The following SNX29 variants were observed in gnomAD, a reference collection of about 807,000 sequenced individuals.
SNX29 encodes sorting nexin-29.
SNX29 carries 78 observed loss-of-function variants against 102.1 expected under a neutral mutation model. The observed-to-expected ratio is 0.76, with a 90% CI of 0.64 to 0.92. The LOEUF is 0.92. Ranked by LOEUF, SNX29 falls within the 40% of genes least tolerant of loss-of-function variation. The pLI, the probability that SNX29 is intolerant of heterozygous loss-of-function variation, is 0.00. For synonymous variants in SNX29, 580 were observed against 414.5 expected (o/e 1.40, Z -4.85); for missense variants, 1,280 against 1,061.7 (o/e 1.21, Z -2.86).
chr16:12,395,834 G>A (rs1255362077), intron 16 of SNX29, among the ~76,000 whole-genome samples: 1 of 152,198 alleles, frequency 6.6e-6, no homozygotes, highest in Non-Finnish European at 1.5e-5. Context: ...AAGGGCTGCT[G>A]TCAAGTCTAG....
rs533338726 is a variant in SNX29, at chr16:12,417,957, G to A, written c.2037+14428G>A. Among the ~76,000 whole-genome samples the A allele has an allele frequency of 5.3e-5, 8 of 152,198 alleles. No individual in the cohort carries two copies. The South Asian group carries it at 1.5e-3, about 28-fold the overall frequency. On this transcript the variant is annotated intron_variant, in intron 18 of 20. Coordinates refer to ENST00000566228, the MANE Select transcript of SNX29 (RefSeq NM_032167.5). ...TACTCCGCACTGTCTGTCTTTGGCC[G>A]CAGCATTGAGTCTCTGAGCTCCTGG...
chr16:12,013,503 ATAT>A lies in SNX29; in HGVS notation c.122+10461_122+10463del, dbSNP rs1567525925. 6.8e-3 allele frequency among the ~76,000 whole-genome samples: 384 copies of A among 56,556 alleles called. 26 individuals carry two copies. The highest frequency in any genetic ancestry group is 0.04 in the East Asian group (62 of 1,548). The allele number at this position is 56,556 out of a possible 152,430, so 37.1% of individuals were successfully genotyped here. On this transcript the variant is annotated intron_variant, in intron 3 of 20. Transcript: ENST00000566228. ...TCTACTGGGGGAAAAAAAAAAAAAT[ATAT>A]ATATATATATATATATATATATATA...
At chr16:12,179,538 T>G (rs1214178912) in intron 13 of SNX29, among the ~76,000 whole-genome samples, 1 of 152,360 alleles carries the variant, frequency 6.6e-6, no homozygotes, top group East Asian at 1.9e-4. Flanking sequence ...TAAGAAAATA[T>G]TCATTTTAAA....
chr16:11,981,271 A>G (rs990376939), intron 1 of SNX29, among the ~76,000 whole-genome samples: 1 of 151,064 alleles, frequency 6.6e-6, no homozygotes, highest in Admixed American at 6.6e-5. Context: ...CACCTGGCCA[A>G]TTTTTGTATT....
intron 13 of SNX29, among the ~76,000 whole-genome samples, chr16:12,147,291 T>G (rs1205690411): frequency 6.6e-6 from 1 of 152,178 alleles, no homozygotes; most frequent in Non-Finnish European, 1.5e-5. Context: ...GTCTGAAATG[T>G]TGCTCCAGCC....
intron 15 of SNX29, among the ~76,000 whole-genome samples, chr16:12,292,229 A>G (rs1286958448): frequency 6.6e-6 from 1 of 152,198 alleles, no homozygotes; most frequent in Non-Finnish European, 1.5e-5. Flanking sequence ...TCAGGTGGCA[A>G]CTGACTGATA....
chr16:12,054,315 G>A (rs1243758540), intron 8 of SNX29, among the ~76,000 whole-genome samples: 4 of 152,214 alleles, frequency 2.6e-5, no homozygotes, highest in African/African-American at 9.6e-5. Context: ...ATATTGATTT[G>A]TTGATGTAAT....
At chr16:12,370,447 C>T (rs899132415) in intron 16 of SNX29, among the ~76,000 whole-genome samples, 1 of 152,166 alleles carries the variant, frequency 6.6e-6, no homozygotes, top group African/African-American at 2.4e-5. Context: ...GTAATCCCAG[C>T]TACTTGGGAG....
intron 11 of SNX29, among the ~76,000 whole-genome samples, chr16:12,086,484 T>C (rs2151379930): frequency 6.6e-6 from 1 of 151,564 alleles, no homozygotes; most frequent in South Asian, 2.1e-4. Context: ...ATTCCTGGCT[T>C]ACTGCAGCCT....
Position 12,182,102 on chromosome 16 carries a change from G to T in SNX29, c.1596-17499G>T, listed in dbSNP as rs554256967. ...GGTTTTTGCCATGTTGACCAGACTG[G>T]TCTTGAACTCCTGACCTCAGGTGAC... On this transcript the variant is annotated intron_variant, in intron 13 of 20. Coordinates refer to ENST00000566228, the MANE Select transcript of SNX29 (RefSeq NM_032167.5). 7.9e-5 allele frequency among the ~76,000 whole-genome samples: 12 copies of T among 151,398 alleles called. No individual in the cohort carries two copies. The South Asian group carries it at 2.5e-3, about 32-fold the overall frequency.
chr16:12,567,896 A>C (rs2079078644), intron 20 of SNX29, among the ~76,000 whole-genome samples: 1 of 152,010 alleles, frequency 6.6e-6, no homozygotes, highest in South Asian at 2.1e-4. Context: ...CACAACCCAG[A>C]CCCATGCCCT....
At chr16:12,095,632 C>T (rs968543783) in intron 11 of SNX29, among the ~76,000 whole-genome samples, 10 of 152,160 alleles carry the variant, frequency 6.6e-5, no homozygotes, top group African/African-American at 2.4e-4. Context: ...AAACATTTCC[C>T]CTGTGTCATT....
Position 12,356,289 on chromosome 16 carries a change from T to A in SNX29, c.1899+10T>A. The A allele has an allele frequency of 2.5e-6, 4 of 1,585,534 alleles. No homozygotes were observed. The highest frequency in any genetic ancestry group is 3.4e-6 in the Non-Finnish European group (4 of 1,166,332). On this transcript the variant is annotated intron_variant, in intron 16 of 20. Coordinates refer to ENST00000566228, the MANE Select transcript of SNX29 (RefSeq NM_032167.5). Reference sequence around the variant, plus strand: ...CGATCTCCGGGGACCGGTGAGTGTTTCCCCAACCCTGTGTGTCTGTCAAGC... The same window carrying A: ...CGATCTCCGGGGACCGGTGAGTGTTACCCCAACCCTGTGTGTCTGTCAAGC...
In SNX29 at chr16:12,129,649, G is replaced by A. The variant is rs947045143; in HGVS notation, c.1486G>A (p.Asp496Asn). 30 of 1,610,838 alleles carry A rather than the reference G, an allele frequency of 1.9e-5. No individual in the cohort carries two copies. The highest frequency in any genetic ancestry group is 2.5e-5 in the Non-Finnish European group (29 of 1,179,388). The change falls in exon 13 of 21, where the codon GAC becomes AAC. Residue 496 changes from aspartate (D) to asparagine (N), a missense_variant. Transcript: ENST00000566228. ...EENRSLRNLLDGEMEHSAALR... is the reference protein window; with the variant it reads ...EENRSLRNLLNGEMEHSAALR... ...TCCCAGATCACTGCGAAACCTGCTC[G>A]ACGGTGAGATGGAGCACTCAGCCGC...
Position 12,567,723 on chromosome 16 carries a change from T to C in SNX29, c.2319-783T>C, listed in dbSNP as rs116967701. ...GCTGCAGCAAGTTATCATTACACGA[T>C]TGCACTGTAAAACCTGGGCAAGAGT... On this transcript the variant is annotated intron_variant, in intron 20 of 20. Transcript: ENST00000566228. 6.6e-5 allele frequency among the ~76,000 whole-genome samples: 10 copies of C among 152,268 alleles called. No individual in the cohort carries two copies. In the South Asian group the frequency reaches 1.2e-3, roughly 19 times the overall value.
At chr16:12,416,105 A>G (rs2084624615) in intron 18 of SNX29, among the ~76,000 whole-genome samples, 1 of 152,140 alleles carries the variant, frequency 6.6e-6, no homozygotes, top group Non-Finnish European at 1.5e-5. Flanking sequence ...GCCCCTTTGC[A>G]TCAGCCTGTA....
intron 13 of SNX29, among the ~76,000 whole-genome samples, chr16:12,186,743 C>A (rs888050797): frequency 6.6e-6 from 1 of 152,146 alleles, no homozygotes; most frequent in African/African-American, 2.4e-5. Flanking sequence ...CTCTTCTGGC[C>A]AGTTGCTTGA....
At chr16:12,429,746 G>A (rs1373397703) in intron 18 of SNX29, among the ~76,000 whole-genome samples, 1 of 152,170 alleles carries the variant, frequency 6.6e-6, no homozygotes, top group Non-Finnish European at 1.5e-5. Context: ...AACAGTTGTA[G>A]GGAACCATGT....
chr16:12,292,857 T>G (rs2079847072), intron 15 of SNX29, among the ~76,000 whole-genome samples: 1 of 152,252 alleles, frequency 6.6e-6, no homozygotes, highest in Admixed American at 6.5e-5. Context: ...TAGTGTTAGT[T>G]AAGCTTGTAA....
Sources: gnomAD v4.1 joint callset for allele counts (sites outside exome capture counted in the v4.1 genomes callset) on GRCh38, gnomAD v4.1.1 for gene constraint, MANE v1.5 for transcripts, NCBI Gene and HGNC (gene_info 2026-07-23, HGNC 2026-07-21) for gene names.